Variants in MUC17 observed in about 807,000 individuals in gnomAD.
The protein encoded by MUC17 is mucin-17.
Under a neutral mutation model 170.3 loss-of-function variants are expected in MUC17, and 190 were observed. The observed-to-expected ratio is 1.12, with a 90% CI of 0.99 to 1.26. MUC17 has a LOEUF of 1.26. Ranked by LOEUF, MUC17 falls within the 50% of genes most tolerant of loss-of-function variation. MUC17 has a pLI of 0.00. For synonymous variants in MUC17, 2,325 were observed against 2,002.5 expected, an observed-to-expected ratio of 1.16 and a Z score of -4.30; for missense variants, 6,415 against 5,530.0, an observed-to-expected ratio of 1.16 and a Z score of -5.08.
At chr7:101,051,465 G>A (rs567515838) in intron 7 of MUC17, 148 bp from the exon 8 acceptor site, 50 of 637,906 alleles carry the variant, frequency 7.8e-5, no homozygotes, top group Non-Finnish European at 3.3e-5. Flanking sequence ...GTCACTGGAC[G>A]CGAGGCTGAT....
chr7:101,051,364 CAAAAAAAA>C (rs398005597), intron 7 of MUC17, among the ~76,000 whole-genome samples: 37 of 52,158 alleles, frequency 7.1e-4, no homozygotes, highest in African/African-American at 3.2e-3. Context: ...TACTCCATCT[CAAAAAAAA>C]AAAAAAAAAA....
At position 101,037,351 on chromosome 7, in the gene MUC17, G is replaced by C; in HGVS notation, c.5935G>C (p.Ala1979Pro). The C allele has an allele frequency of 6.2e-7, 1 of 1,612,564 alleles. No individual in the cohort carries two copies. The highest frequency in any genetic ancestry group is 8.5e-7 in the Non-Finnish European group (1 of 1,179,526). ...TGATGGTACCAGCATGCCAACCCCA[G>C]CTTATAGTGAAGGAAGCACTCCACT... is the stretch of plus-strand genomic sequence containing the variant. ...TADGTSMPTP[A>P]YSEGSTPLTS... is the part of the protein sequence containing the mutation. The change falls in exon 3 of 13, where the codon GCT (alanine) becomes CCT (proline). Residue 1979 changes from alanine (A) to proline (P), a missense_variant. By Grantham distance (27) the Ala-to-Pro change is conservative. Transcript: ENST00000306151.
At chr7:101,052,274 G>A (rs1032658294) in intron 9 of MUC17, among the ~76,000 whole-genome samples, 1 of 152,180 alleles carries the variant, frequency 6.6e-6, no homozygotes, top group African/African-American at 2.4e-5. Flanking sequence ...TCTCTCCAGA[G>A]AGAGAACAAG....
chr7:101,043,614 T>C lies in MUC17; in HGVS notation c.12198T>C (p.Phe4066=). 3 of 1,614,004 alleles carry C rather than the reference T, an allele frequency of 1.9e-6. No homozygotes were observed. Among genetic ancestry groups the C allele is most frequent in the Non-Finnish European group, 2.5e-6 (3 of 1,179,994 alleles). The change falls in exon 3 of 13, where the codon TTT becomes TTC. Residue 4066 remains phenylalanine (F), a synonymous_variant. Coordinates refer to ENST00000306151, the MANE Select transcript of MUC17 (RefSeq NM_001040105.2). ...CTTCTCACACCATCCCACCTACATTTCCTCCTGCTCACTCCAGTACACCTC... is the reference window on the plus strand; with the variant it reads ...CTTCTCACACCATCCCACCTACATTCCCTCCTGCTCACTCCAGTACACCTC... ...TITSHTIPPT[F]PPAHSSTPPT... is the part of the protein sequence containing the mutation.
rs1399605644 is a variant in MUC17, at chr7:101,037,424, G to A, written c.6008G>A (p.Ser2003Asn). ...STTLVVSSEA[S>N]TLSTTPVDTS... ...ACGCTGGTGGTCAGTTCTGAGGCTA[G>A]CACTCTTTCCACAACTCCTGTTGAC... The change falls in exon 3 of 13, where the codon AGC becomes AAC. Residue 2003 changes from serine (S) to asparagine (N), a missense_variant. By Grantham distance (46) the Ser-to-Asn change is conservative (BLOSUM62 1). Coordinates refer to ENST00000306151, the MANE Select transcript of MUC17 (RefSeq NM_001040105.2). The A allele has an allele frequency of 5.0e-6, 8 of 1,611,392 alleles. 1 individual carries two copies. Among genetic ancestry groups the A allele is most frequent in the South Asian group, 2.2e-5 (2 of 90,728 alleles).
chr7:101,023,532 G>A (rs987798495), intron 1 of MUC17, among the ~76,000 whole-genome samples: 11 of 151,876 alleles, frequency 7.2e-5, no homozygotes, highest in African/African-American at 2.2e-4. Flanking sequence ...GATTACAGGC[G>A]CCCACCACCT....
chr7:101,031,680 C>T lies in MUC17; in HGVS notation c.264C>T (p.Asn88=), dbSNP rs769975461. 2.5e-6 allele frequency: 4 copies of T among 1,602,154 alleles called. No individual in the cohort carries two copies. The African/African-American group carries it at 4.0e-5, about 16-fold the overall frequency. The change falls in exon 3 of 13, where the codon AAC becomes AAT. Residue 88 remains asparagine (N), a synonymous_variant. Coordinates refer to ENST00000306151, the MANE Select transcript of MUC17 (RefSeq NM_001040105.2). ...GAATGTATTTGAGTTGCAGCACCAA[C>T]CCTGAGATGACCTCGATTGAGTCCA... ...EPRMYLSCST[N]PEMTSIESSV...
rs1427142906 is a variant in MUC17, at chr7:101,035,518, G to C, written c.4102G>C (p.Val1368Leu). 1 of 1,596,670 alleles carries C rather than the reference G, an allele frequency of 6.3e-7. No individual in the cohort carries two copies. The highest frequency in any genetic ancestry group is 1.1e-5 in the South Asian group (1 of 89,810). The change falls in exon 3 of 13, where the codon GTG (valine) becomes CTG (leucine). Residue 1368 changes from valine (V) to leucine (L), a missense_variant. Coordinates refer to ENST00000306151, the MANE Select transcript of MUC17 (RefSeq NM_001040105.2). The part of the protein sequence containing the change: ...STTPVDNSTP[V>L]TTSTEACSSP... ...AACTCCTGTTGACAACAGCACACCT[G>C]TGACCACTTCTACTGAAGCCTGTTC...
In MUC17 at chr7:101,040,557, A is replaced by T; in HGVS notation, c.9141A>T (p.Pro3047=). The T allele has an allele frequency of 6.2e-7, 1 of 1,612,504 alleles. No individual in the cohort carries two copies. The highest frequency in any genetic ancestry group is 8.5e-7 in the Non-Finnish European group (1 of 1,179,564). ...PISTPSEGST[P]LTSIPVSTTP... ...CAACTCCTAGTGAAGGAAGTACTCC[A>T]TTAACAAGTATACCTGTCAGCACCA... is the stretch of plus-strand genomic sequence containing the variant. Residue 3047 remains proline, a synonymous_variant, in exon 3 of 13, where the codon CCA becomes CCT. Transcript: ENST00000306151.
In MUC17 at chr7:101,040,434, C is replaced by T. The variant is rs766585582; in HGVS notation, c.9018C>T (p.Thr3006=). 1.2e-6 allele frequency: 2 copies of T among 1,611,668 alleles called. No homozygotes were observed. The highest frequency in any genetic ancestry group is 2.2e-5 in the East Asian group (1 of 44,700). The change falls in exon 3 of 13, where the codon ACC becomes ACT. Residue 3006 remains threonine, a synonymous_variant. Coordinates refer to ENST00000306151, the MANE Select transcript of MUC17 (RefSeq NM_001040105.2). The part of the protein sequence containing the change: ...TMPVASSEAS[T]LSRTPADTST... ...CGGTGGCCAGTTCTGAGGCTAGCAC[C>T]CTTTCAAGAACTCCTGCTGACACCA...
At chr7:101,030,604 T>C (rs1794261302) in intron 1 of MUC17, among the ~76,000 whole-genome samples, 3 of 152,228 alleles carry the variant, frequency 2.0e-5, no homozygotes, top group African/African-American at 7.2e-5. Flanking sequence ...GGTCTCACTC[T>C]GTCACCCAGG....
intron 1 of MUC17, among the ~76,000 whole-genome samples, chr7:101,025,512 C>G (rs1205773879): frequency 6.6e-6 from 1 of 151,540 alleles, no homozygotes; most frequent in African/African-American, 2.4e-5. Flanking sequence ...AAAATATAGG[C>G]CAAGCACAGT....
Position 101,034,410 on chromosome 7 carries a change from T to C in MUC17, c.2994T>C (p.Ser998=), listed in dbSNP as rs745696820. Reference sequence around the variant, plus strand: ...TCAGCCACACGCTGGTGGCCAATTCTGAGGCTAGCACCCTTTCAACAACTC... The same window carrying C: ...TCAGCCACACGCTGGTGGCCAATTCCGAGGCTAGCACCCTTTCAACAACTC... ...TPVSHTLVAN[S]EASTLSTTPV... The change falls in exon 3 of 13, where the codon TCT becomes TCC. Residue 998 remains serine, a synonymous_variant. Transcript: ENST00000306151. 2 of 1,607,582 alleles carry C rather than the reference T, an allele frequency of 1.2e-6. No homozygotes were observed. The highest frequency in any genetic ancestry group is 3.4e-5 in the Admixed American group (2 of 59,432).
At chr7:101,045,604 G>A (rs1794826213) in intron 3 of MUC17, among the ~76,000 whole-genome samples, 1 of 152,062 alleles carries the variant, frequency 6.6e-6, no homozygotes, top group African/African-American at 2.4e-5. Flanking sequence ...TGTTGGCCAG[G>A]CTGTTCTTGA....
rs767654356 is a variant in MUC17 at position 101,043,666 on chromosome 7, GT to G, written c.12251del (p.Val4084GlyfsTer9). On this transcript the variant is annotated frameshift_variant, in exon 3 of 13. Transcript: ENST00000306151. LOFTEE classifies it high-confidence loss of function. The part of the protein sequence containing the change: ...PPTTSASSTT[V>X]NPEAVTTMTT... ...AACAACCTCTGCCTCCTCCACGACT[GT>G]GAACCCTGAGGCTGTCACCACCATG... 1 of 1,614,020 alleles carries G rather than the reference GT, an allele frequency of 6.2e-7. No individual in the cohort carries two copies. The highest frequency in any genetic ancestry group is 2.2e-5 in the East Asian group (1 of 44,872).
intron 1 of MUC17, among the ~76,000 whole-genome samples, chr7:101,025,539 C>T (rs1385566803): frequency 6.6e-6 from 1 of 152,066 alleles, no homozygotes; most frequent in African/African-American, 2.4e-5. Context: ...CACCAGTAAT[C>T]CCAGCACTTT....
At chr7:101,024,738 C>CTT (rs35811119) in intron 1 of MUC17, among the ~76,000 whole-genome samples, 24 of 125,440 alleles carry the variant, frequency 1.9e-4, no homozygotes, top group African/African-American at 2.5e-4. Flanking sequence ...CTGTCTCCTC[C>CTT]TTTTTTTTTT....
Position 101,043,705 on chromosome 7 carries a change from A to G in MUC17, c.12289A>G (p.Lys4097Glu). 1 of 1,614,168 alleles carries G rather than the reference A, an allele frequency of 6.2e-7. No individual in the cohort carries two copies. The highest frequency in any genetic ancestry group is 8.5e-7 in the Non-Finnish European group (1 of 1,180,042). Residue 4097 changes from lysine to glutamate, a missense_variant, in exon 3 of 13, where the codon AAA becomes GAA. Lys to Glu is a moderately conservative substitution (Grantham distance 56). Coordinates refer to ENST00000306151, the MANE Select transcript of MUC17 (RefSeq NM_001040105.2). ...EAVTTMTTRTKPSTRTTSFPT... is the reference protein window; with the variant it reads ...EAVTTMTTRTEPSTRTTSFPT... ...TGTCACCACCATGACCACCAGGACA[A>G]AACCCAGCACACGGACCACTTCCTT...
chr7:101,044,644 T>C (rs1183840544), intron 3 of MUC17, among the ~76,000 whole-genome samples: 1 of 152,234 alleles, frequency 6.6e-6, no homozygotes, highest in Non-Finnish European at 1.5e-5. Context: ...GTTTTCTCTC[T>C]TTTGTATTCT....
Sources: gnomAD v4.1 joint callset for allele counts (sites outside exome capture counted in the v4.1 genomes callset) on GRCh38, gnomAD v4.1.1 for gene constraint, MANE v1.5 for transcripts, NCBI Gene and HGNC (gene_info 2026-07-23, HGNC 2026-07-21) for gene names.